Variants in PGAM1 observed in about 807,000 individuals in gnomAD.
The protein encoded by PGAM1 is phosphoglycerate mutase 1.
In PGAM1, 21 loss-of-function variants were observed where a neutral mutation model predicts 23.5. The observed-to-expected ratio is 0.89, with a 90% confidence interval of 0.63 to 1.29. The LOEUF (loss-of-function observed/expected upper bound fraction) is 1.29. PGAM1 is among the 50% of genes most tolerant of loss of function. The probability of loss-of-function intolerance (pLI) is 0.00; values close to 1 mark genes in which losing one functional copy is unlikely to be tolerated. For synonymous variants in PGAM1, 109 were observed against 128.6 expected (o/e 0.85, Z 1.03); for missense variants, 232 against 336.3 (o/e 0.69, Z 2.42).
rs1382972942 is a variant in PGAM1, at chr10:97,426,276, C to G, written c.-32C>G. The G allele has an allele frequency of 3.1e-6, 5 of 1,609,694 alleles. No individual in the cohort carries two copies. Among genetic ancestry groups the G allele is most frequent in the Non-Finnish European group, 4.2e-6 (5 of 1,179,138 alleles). On this transcript the variant is annotated 5_prime_UTR_variant, in exon 1 of 4. In the 5' UTR this introduces an upstream ATG that the reference lacks. Coordinates refer to ENST00000334828, the MANE Select transcript of PGAM1 (RefSeq NM_002629.4). Reference sequence around the variant, plus strand: ...GGCTGCTACTCCGGAATCTGCTAATCCCAGTCGGTGCCGCATCCCCAGCCC... The same window carrying G: ...GGCTGCTACTCCGGAATCTGCTAATGCCAGTCGGTGCCGCATCCCCAGCCC...
chr10:97,430,821 C>T, intron 2 of PGAM1, 134 bp from the exon 3 acceptor site: 1 of 1,475,370 alleles, frequency 6.8e-7, no homozygotes, highest in Non-Finnish European at 9.4e-7. Flanking sequence ...AGTTTACTAT[C>T]TCCTTTTTTG....
intron 1 of PGAM1, chr10:97,427,769 G>A (rs1421746550): frequency 7.0e-6 from 9 of 1,287,762 alleles, no homozygotes; most frequent in Non-Finnish European, 9.1e-6. Context: ...CTGATGATAG[G>A]GGCAGATCCT....
chr10:97,428,553 C>T (rs1462450535), intron 1 of PGAM1, among the ~76,000 whole-genome samples: 1 of 152,224 alleles, frequency 6.6e-6, no homozygotes, highest in Non-Finnish European at 1.5e-5. Flanking sequence ...CTTCTTTTCT[C>T]CTTGAGGACC....
chr10:97,432,064 C>T (rs1448398312), intron 3 of PGAM1, among the ~76,000 whole-genome samples: 1 of 152,094 alleles, frequency 6.6e-6, no homozygotes, highest in Non-Finnish European at 1.5e-5. Context: ...GATGTGTAGT[C>T]TTGCTTCACT....
chr10:97,430,265 C>A (rs1043924385), intron 1 of PGAM1, 114 bp from the exon 2 acceptor site: 2 of 1,314,190 alleles, frequency 1.5e-6, no homozygotes, highest in African/African-American at 1.4e-5. Context: ...CAAATATTTT[C>A]TTTTTTGGCC....
At chr10:97,427,469 T>G in intron 1 of PGAM1, 1 of 1,028,446 alleles carries the variant, frequency 9.7e-7, no homozygotes. Flanking sequence ...CAAGGCCCCT[T>G]TATAGTTGGG....
intron 1 of PGAM1, chr10:97,427,451 C>T (rs1053300493): frequency 2.9e-6 from 3 of 1,022,982 alleles, no homozygotes; most frequent in African/African-American, 3.4e-5. Context: ...TTATCTTTCT[C>T]ATCTTTCCAA....
chr10:97,431,087 A>G lies in PGAM1; in HGVS notation c.547A>G (p.Ile183Val). 6.2e-7 allele frequency: 1 copy of G among 1,614,146 alleles called. No individual in the cohort carries two copies. The highest frequency in any genetic ancestry group is 8.5e-7 in the Non-Finnish European group (1 of 1,180,026). Residue 183 changes from isoleucine (I) to valine (V), a missense_variant, in exon 3 of 4, where the codon ATT becomes GTT. Coordinates refer to ENST00000334828, the MANE Select transcript of PGAM1 (RefSeq NM_002629.4). ...PQIKEGKRVL[I>V]AAHGNSLRGI... is the part of the protein sequence containing the mutation. Reference sequence around the variant, plus strand: ...GATCAAGGAGGGGAAACGTGTACTGATTGCAGCCCATGGCAACAGCCTCCG... The same window carrying G: ...GATCAAGGAGGGGAAACGTGTACTGGTTGCAGCCCATGGCAACAGCCTCCG...
At chr10:97,429,105 T>G (rs1845440934) in intron 1 of PGAM1, among the ~76,000 whole-genome samples, 1 of 140,388 alleles carries the variant, frequency 7.1e-6, no homozygotes, top group African/African-American at 2.7e-5. Flanking sequence ...TTTTTTTTTT[T>G]TTTTTTTTTT....
chr10:97,430,339 AG>A lies in PGAM1; in HGVS notation c.140-39del, dbSNP rs559274445. 130 of 1,611,228 alleles carry A rather than the reference AG, an allele frequency of 8.1e-5. No individual in the cohort carries two copies. In the African/African-American group the frequency reaches 1.3e-3, roughly 16 times the overall value. On this transcript the variant is annotated intron_variant, in intron 1 of 3. Transcript: ENST00000334828. ...ACTGAAGAACATTTTGGCTCAGAGT[AG>A]ACCTGGTTAGCTTATCACTTTGAAC...
intron 1 of PGAM1, chr10:97,427,353 T>A: frequency 3.0e-6 from 3 of 992,802 alleles, no homozygotes; most frequent in Non-Finnish European, 3.6e-6. Flanking sequence ...CCACAAATAG[T>A]GTGTCCAAAA....
At chr10:97,430,336 A>G in intron 1 of PGAM1, 43 bp from the exon 2 acceptor site, 2 of 1,611,018 alleles carry the variant, frequency 1.2e-6, no homozygotes, top group Non-Finnish European at 1.7e-6. Context: ...TTTGGCTCAG[A>G]GTAGACCTGG....
chr10:97,430,679 C>T (rs1214218904), intron 2 of PGAM1, 26 bp downstream of exon 2: 5 of 1,602,396 alleles, frequency 3.1e-6, no homozygotes, highest in African/African-American at 1.3e-5. Context: ...GGTTTGGTCA[C>T]TCCGCCCAGG....
rs370117811 is a variant in PGAM1 at position 97,430,036 on chromosome 10, T to A, written c.140-343T>A. ...ACTCCAGCCTGGGTGACAGTGAGAC[T>A]CCGTCTCAAAAAAAAAAAAAAAAAA... On this transcript the variant is annotated intron_variant, in intron 1 of 3. Transcript: ENST00000334828. 1.8e-3 allele frequency among the ~76,000 whole-genome samples: 221 copies of A among 121,578 alleles called. 3 individuals carry two copies. The highest frequency in any genetic ancestry group is 7.2e-3 in the African/African-American group (214 of 29,680). The allele number at this position is 121,578 out of a possible 152,430, so 79.8% of individuals were successfully genotyped here.
chr10:97,429,662 G>T (rs976878024), intron 1 of PGAM1, among the ~76,000 whole-genome samples: 1 of 152,164 alleles, frequency 6.6e-6, no homozygotes, highest in African/African-American at 2.4e-5. Flanking sequence ...ATACTCCACA[G>T]TGAATACAAT....
intron 1 of PGAM1, chr10:97,427,666 CCA>C: frequency 8.3e-7 from 1 of 1,198,204 alleles, no homozygotes; most frequent in Non-Finnish European, 1.1e-6. Context: ...TGCTCCCGCC[CCA>C]GTCTGCTCTT....
rs1447456362 is a variant in PGAM1, at chr10:97,430,531, CT to C, written c.293del (p.Leu98ProfsTer15). The C allele has an allele frequency of 2.5e-6, 4 of 1,600,700 alleles. No homozygotes were observed. The highest frequency in any genetic ancestry group is 1.3e-5 in the African/African-American group (1 of 74,874). On this transcript the variant is annotated frameshift_variant, in exon 2 of 4. Transcript: ENST00000334828. LOFTEE classifies it high-confidence loss of function. ...NERHYGGLTG[L>X]NKAETAAKHG... is the part of the protein sequence containing the mutation. ...GCGGCACTATGGGGGTCTAACCGGT[CT>C]CAATAAAGCAGAAACTGCTGCAAAG...
rs1589456999 is a variant in PGAM1, at chr10:97,431,207, A to G, written c.595+72A>G. 7.6e-6 allele frequency: 12 copies of G among 1,577,164 alleles called. No homozygotes were observed. In the East Asian group the frequency reaches 1.8e-4, roughly 24 times the overall value. Reference sequence around the variant, plus strand: ...ACTGCCACAAATCAGGGACTTGGTAAAAAGGAGTCTAGGGAAGGGCTGGAC... The same window carrying G: ...ACTGCCACAAATCAGGGACTTGGTAGAAAGGAGTCTAGGGAAGGGCTGGAC... On this transcript the variant is annotated intron_variant, in intron 3 of 3. Transcript: ENST00000334828.
At position 97,426,597 on chromosome 10, in the gene PGAM1, G is replaced by A. The variant is rs538807193; in HGVS notation, c.139+151G>A. 1,032 of 1,095,362 alleles carry A rather than the reference G, an allele frequency of 9.4e-4. 1 individual carries two copies. The highest frequency in any genetic ancestry group is 1.2e-3 in the Non-Finnish European group (924 of 797,220). The allele number at this position is 1,095,362 out of a possible 1,614,324, so 67.9% of individuals were successfully genotyped here. On this transcript the variant is annotated intron_variant, in intron 1 of 3. Coordinates refer to ENST00000334828, the MANE Select transcript of PGAM1 (RefSeq NM_002629.4). Reference sequence around the variant, plus strand: ...GTGTAGTTGAGAAGATGAGTGCAGAGGGTAGAGTCTACTTGTTCAAGGTCA... The same window carrying A: ...GTGTAGTTGAGAAGATGAGTGCAGAAGGTAGAGTCTACTTGTTCAAGGTCA...
Sources: gnomAD v4.1 joint callset for allele counts (sites outside exome capture counted in the v4.1 genomes callset) on GRCh38, gnomAD v4.1.1 for gene constraint, MANE v1.5 for transcripts, NCBI Gene and HGNC (gene_info 2026-07-23, HGNC 2026-07-21) for gene names.